CACNA1C: variants seen among roughly 807,000 people sequenced by gnomAD.
CACNA1C encodes voltage-dependent L-type calcium channel subunit alpha-1C.
A neutral mutation model predicts 229.0 loss-of-function variants in CACNA1C; 30 were observed. The ratio of observed to expected loss-of-function variants is 0.13; its 90% CI spans 0.10 to 0.18. CACNA1C has a LOEUF of 0.18. Ranked by LOEUF, CACNA1C falls within the 10% of genes least tolerant of loss-of-function variation. The pLI is 1.00. For missense variants in CACNA1C, 1,658 were observed against 2,845.0 expected (o/e 0.58, Z 9.49); for synonymous variants, 1,114 against 1,132.5 (o/e 0.98, Z 0.33).
At chr12:2,205,219 T>C (rs2097720028) in intron 3 of CACNA1C, among the ~76,000 whole-genome samples, 2 of 152,134 alleles carry the variant, frequency 1.3e-5, no homozygotes, top group Admixed American at 1.3e-4. Flanking sequence ...GCAACAGACT[T>C]CTGCACGTTA....
rs938744457 is a variant in CACNA1C at position 2,275,522 on chromosome 12, C to T, written c.477+155092C>T. On this transcript the variant is annotated intron_variant, in intron 3 of 46. Transcript: ENST00000399655. The surrounding 1 kb of genome is among the most constrained non-coding windows in gnomAD (Gnocchi z 4.1). Reference sequence around the variant, plus strand: ...AGCCTCCGTCCACTGTCCCCCAGCTCGCAACCCCCACGCAGCCCCACCCTT... The same window carrying T: ...AGCCTCCGTCCACTGTCCCCCAGCTTGCAACCCCCACGCAGCCCCACCCTT... Among the ~76,000 whole-genome samples, 1 of 152,064 alleles carries T rather than the reference C, an allele frequency of 6.6e-6. No individual in the cohort carries two copies. The highest frequency in any genetic ancestry group is 1.9e-4 in the East Asian group (1 of 5,176).
chr12:2,551,371 C>T (rs1447638218), intron 10 of CACNA1C, among the ~76,000 whole-genome samples: 1 of 152,228 alleles, frequency 6.6e-6, no homozygotes, highest in Non-Finnish European at 1.5e-5. Flanking sequence ...GTGGATCTGT[C>T]GTTTGCTCAG....
intron 29 of CACNA1C, among the ~76,000 whole-genome samples, chr12:2,624,777 T>C (rs573434909): frequency 2.0e-5 from 3 of 152,352 alleles, no homozygotes; most frequent in Admixed American, 2.0e-4. Context: ...TAGTGACTTT[T>C]AGATGAAACC....
intron 3 of CACNA1C, among the ~76,000 whole-genome samples, chr12:2,177,185 CA>C (rs2096672031): frequency 6.6e-6 from 1 of 152,166 alleles, no homozygotes; most frequent in African/African-American, 2.4e-5. Flanking sequence ...TCTCTCCTAT[CA>C]AAGGCTGCTC....
At chr12:2,567,890 G>A (rs1026314633) in intron 13 of CACNA1C, 96 bp downstream of exon 13, 13 of 676,262 alleles carry the variant, frequency 1.9e-5, no homozygotes, top group Non-Finnish European at 3.1e-5. Flanking sequence ...GAGGGGGGCT[G>A]TTCTTCCTCA....
At chr12:2,148,604 G>A (rs887220057) in intron 3 of CACNA1C, among the ~76,000 whole-genome samples, 2 of 151,280 alleles carry the variant, frequency 1.3e-5, no homozygotes, top group African/African-American at 4.8e-5. Context: ...CTGGAGGGCA[G>A]TGGCATGATC....
At chr12:2,438,912 G>A (rs1289115380) in intron 3 of CACNA1C, among the ~76,000 whole-genome samples, 8 of 152,122 alleles carry the variant, frequency 5.3e-5, no homozygotes, top group Non-Finnish European at 1.5e-5. Flanking sequence ...AGAGTTTTAA[G>A]GCCACTGCTG....
At chr12:2,033,744 A>G (rs1041952233) in intron 1 of CACNA1C, among the ~76,000 whole-genome samples, 1 of 152,254 alleles carries the variant, frequency 6.6e-6, no homozygotes, top group African/African-American at 2.4e-5. Flanking sequence ...AGAAGTGAGA[A>G]TAACATAGTC....
intron 3 of CACNA1C, among the ~76,000 whole-genome samples, chr12:2,218,578 A>G (rs2060588993): frequency 6.6e-6 from 1 of 152,176 alleles, no homozygotes; most frequent in Non-Finnish European, 1.5e-5. Context: ...AGCTCAGCGC[A>G]TCTTTCAGCT....
intron 13 of CACNA1C, among the ~76,000 whole-genome samples, chr12:2,569,338 AC>A (rs76226535): frequency 0.045 from 6,872 of 152,324 alleles, 220 homozygotes; most frequent in Middle Eastern, 0.065. Context: ...CCATATATTT[AC>A]CCCTTACAAT....
At chr12:2,276,335 T>C (rs1196461669) in intron 3 of CACNA1C, among the ~76,000 whole-genome samples, 4 of 152,192 alleles carry the variant, frequency 2.6e-5, no homozygotes, top group Non-Finnish European at 5.9e-5. Context: ...GGATCTGCCA[T>C]TTCCTCCCTA....
chr12:2,176,454 G>A (rs775062372), intron 3 of CACNA1C, among the ~76,000 whole-genome samples: 4 of 152,038 alleles, frequency 2.6e-5, no homozygotes, highest in Admixed American at 1.3e-4. Context: ...CCTGCTGGCC[G>A]CTTGGGGAGA....
intron 3 of CACNA1C, among the ~76,000 whole-genome samples, chr12:2,219,560 T>C (rs1393882925): frequency 1.3e-5 from 2 of 152,238 alleles, no homozygotes; most frequent in Non-Finnish European, 2.9e-5. Flanking sequence ...TCTTTCGGGC[T>C]GTAAGTAGAA....
chr12:2,142,893 T>TA (rs922975338), intron 3 of CACNA1C, among the ~76,000 whole-genome samples: 32 of 151,244 alleles, frequency 2.1e-4, no homozygotes, highest in African/African-American at 7.2e-4. Flanking sequence ...GTCAAAAAGT[T>TA]AAAAAAAATT....
intron 1 of CACNA1C, among the ~76,000 whole-genome samples, chr12:1,982,937 A>G (rs2036570910): frequency 1.3e-5 from 2 of 152,128 alleles, no homozygotes; most frequent in African/African-American, 4.8e-5. Context: ...ATTTTTAATT[A>G]CAAATTCAAT....
At chr12:2,303,056 G>A (rs1044383415) in intron 3 of CACNA1C, among the ~76,000 whole-genome samples, 8 of 152,244 alleles carry the variant, frequency 5.3e-5, no homozygotes, top group Non-Finnish European at 8.8e-5. Flanking sequence ...GGACGGAGGC[G>A]GGAAACCGGC....
chr12:2,096,625 G>A (rs1286064162), intron 1 of CACNA1C, among the ~76,000 whole-genome samples: 2 of 152,150 alleles, frequency 1.3e-5, no homozygotes, highest in Non-Finnish European at 2.9e-5. Flanking sequence ...ACCATTTTAA[G>A]TGTACAATTT....
intron 3 of CACNA1C, among the ~76,000 whole-genome samples, chr12:2,201,387 G>A (rs2097576386): frequency 6.6e-6 from 1 of 152,178 alleles, no homozygotes; most frequent in African/African-American, 2.4e-5. Flanking sequence ...ATACCATTGT[G>A]CTACAAACCC....
intron 22 of CACNA1C, among the ~76,000 whole-genome samples, chr12:2,604,722 G>C (rs1377404396): frequency 6.6e-6 from 1 of 152,204 alleles, no homozygotes; most frequent in African/African-American, 2.4e-5. Context: ...CAGTGCCTTG[G>C]CTAGCAAGTG....
Sources: gnomAD v4.1 joint callset for allele counts (sites outside exome capture counted in the v4.1 genomes callset) on GRCh38, gnomAD v4.1.1 for gene constraint, Gnocchi (gnomAD v3.1) non-coding constraint, MANE v1.5 for transcripts, NCBI Gene and HGNC (gene_info 2026-07-23, HGNC 2026-07-21) for gene names.